The following RGL1 variants were observed in gnomAD, a reference collection of about 807,000 sequenced individuals.
RGL1 encodes the protein ral guanine nucleotide dissociation stimulator like 1, also known as ral guanine nucleotide dissociation stimulator-like 1.
RGL1 carries 24 observed loss-of-function variants against 95.2 expected under a neutral mutation model. The ratio of observed to expected loss-of-function variants is 0.25; its 90% CI spans 0.18 to 0.35. The LOEUF is 0.35. Ranked by LOEUF, RGL1 falls within the 10% of genes least tolerant of loss-of-function variation. The pLI, the probability that RGL1 is intolerant of heterozygous loss-of-function variation, is 1.00. For synonymous variants in RGL1, 329 were observed against 344.9 expected (o/e 0.95, Z 0.51); for missense variants, 715 against 936.3 (o/e 0.76, Z 3.08).
At position 183,907,014 on chromosome 1, in the gene RGL1, A is replaced by G. The variant is rs946822873; in HGVS notation, c.1475A>G (p.Tyr492Cys). 2 of 1,599,550 alleles carry G rather than the reference A, an allele frequency of 1.3e-6. No homozygotes were observed. Among genetic ancestry groups the G allele is most frequent in the Non-Finnish European group, 1.7e-6 (2 of 1,167,362 alleles). Residue 492 changes from tyrosine (Y) to cysteine (C), a missense_variant and splice_region_variant, in exon 14 of 18, where the codon TAT becomes TGT. Tyr to Cys is a radical substitution (Grantham distance 194). Around this residue, in one of 3 missense-constraint regions of RGL1, gnomAD observed 330 missense variants for 429.6 expected, o/e 0.77. Coordinates refer to ENST00000360851, the MANE Select transcript of RGL1 (RefSeq NM_001297671.3). The stretch of plus-strand genomic sequence containing the variant: ...TGGAGCCCCCTTCTCTTTCTCAGCT[A>G]TGCCCTGTCATGTGAGATTGAAGCA... ...RQQLLTEEES[Y>C]ALSCEIEAAA...
intron 6 of RGL1, 112 bp from the exon 7 acceptor site, chr1:183,884,611 A>G (rs1667009358): frequency 2.5e-6 from 2 of 793,312 alleles, no homozygotes; most frequent in Admixed American, 2.5e-5. Context: ...TCAAGTAGAA[A>G]AGGATTATCT....
chr1:183,846,486 T>C (rs1664442635), intron 2 of RGL1, among the ~76,000 whole-genome samples: 1 of 151,758 alleles, frequency 6.6e-6, no homozygotes, highest in Non-Finnish European at 1.5e-5. Flanking sequence ...CCATGGCATG[T>C]GTATACCTAT....
intron 1 of RGL1, among the ~76,000 whole-genome samples, chr1:183,679,234 A>C (rs758045032): frequency 2.2e-4 from 34 of 152,082 alleles, no homozygotes; most frequent in Non-Finnish European, 3.5e-4. Context: ...TTATATTTAC[A>C]TTTATTATTT....
chr1:183,874,929 A>G (rs1666401436), intron 4 of RGL1, among the ~76,000 whole-genome samples: 1 of 152,158 alleles, frequency 6.6e-6, no homozygotes, highest in Non-Finnish European at 1.5e-5. Context: ...AGTCAGGGTC[A>G]AGGTTGACTT....
intron 2 of RGL1, among the ~76,000 whole-genome samples, chr1:183,838,661 T>C (rs1203158437): frequency 6.6e-6 from 1 of 152,184 alleles, no homozygotes; most frequent in Non-Finnish European, 1.5e-5. Flanking sequence ...CAGATAAAGA[T>C]CATGGTGACA....
chr1:183,806,431 C>T lies in RGL1; in HGVS notation c.84C>T (p.Thr28=), dbSNP rs1409213895. ...AGGAAGGAGCTGTTTACCATGTCAC[C>T]CTCAAAAGAGTCCAGATTCAACAGG... ...EVEEGAVYHV[T]LKRVQIQQAA... The change falls in exon 2 of 18, where the codon ACC becomes ACT. Residue 28 remains threonine (T), a synonymous_variant. Coordinates refer to ENST00000360851, the MANE Select transcript of RGL1 (RefSeq NM_001297671.3). The T allele has an allele frequency of 5.6e-6, 9 of 1,614,006 alleles. No homozygotes were observed. The South Asian group carries it at 9.9e-5, about 18-fold the overall frequency.
At chr1:183,799,884 C>T (rs1226677000) in intron 2 of RGL1, among the ~76,000 whole-genome samples, 2 of 152,124 alleles carry the variant, frequency 1.3e-5, no homozygotes, top group Non-Finnish European at 2.9e-5. Context: ...TACAAAATTA[C>T]ATTAAAGGGA....
chr1:183,853,072 A>G (rs1664925321), intron 3 of RGL1, among the ~76,000 whole-genome samples: 1 of 152,122 alleles, frequency 6.6e-6, no homozygotes, highest in Non-Finnish European at 1.5e-5. Context: ...GCAGTGGCTC[A>G]TGCTTGTAAT....
intron 3 of RGL1, among the ~76,000 whole-genome samples, chr1:183,850,386 A>G (rs796974028): frequency 1.6e-4 from 25 of 152,340 alleles, no homozygotes; most frequent in African/African-American, 5.3e-4. Context: ...AGTCATATCT[A>G]TTAGTCTTAA....
intron 2 of RGL1, among the ~76,000 whole-genome samples, chr1:183,778,160 G>A (rs1012945816): frequency 2.0e-5 from 3 of 152,138 alleles, no homozygotes; most frequent in African/African-American, 7.2e-5. Flanking sequence ...ATGTGTATGT[G>A]GATTTTGTTC....
intron 16 of RGL1, among the ~76,000 whole-genome samples, chr1:183,917,982 A>G (rs1669083520): frequency 6.6e-6 from 1 of 152,206 alleles, no homozygotes; most frequent in South Asian, 2.1e-4. Flanking sequence ...AATGACGGTC[A>G]TGTGGCTGGA....
intron 1 of RGL1, among the ~76,000 whole-genome samples, chr1:183,707,955 A>C (rs527993883): frequency 1.2e-4 from 18 of 152,306 alleles, no homozygotes; most frequent in Admixed American, 9.8e-4. Context: ...AGAATTGCAG[A>C]GGTCAGGTTG....
intron 2 of RGL1, among the ~76,000 whole-genome samples, chr1:183,843,485 A>G (rs771963542): frequency 2.0e-5 from 3 of 152,246 alleles, no homozygotes; most frequent in Non-Finnish European, 4.4e-5. Context: ...GCTTTCTGCC[A>G]AATCTCTGCT....
chr1:183,897,969 G>T (rs1667798388), intron 10 of RGL1, 72 bp downstream of exon 10: 1 of 1,271,072 alleles, frequency 7.9e-7, no homozygotes, highest in Non-Finnish European at 1.1e-6. Flanking sequence ...CTCCCACATG[G>T]CACTGGCACC....
At position 183,830,112 on chromosome 1, in the gene RGL1, GGCAAAGAAGTGAT is replaced by G. The variant is rs1663159126; in HGVS notation, c.139-17451_139-17439del. 2.0e-5 allele frequency among the ~76,000 whole-genome samples: 3 copies of G among 152,134 alleles called. No homozygotes were observed. In the South Asian group the frequency reaches 6.2e-4, roughly 32 times the overall value. ...AAAAATGAATGAAAATGGGATTTGT[GGCAAAGAAGTGAT>G]GCTCTAGTCCTCCACTTATGAGGAT... On this transcript the variant is annotated intron_variant, in intron 2 of 17. Coordinates refer to ENST00000360851, the MANE Select transcript of RGL1 (RefSeq NM_001297671.3).
rs139650340 is a variant in RGL1, at chr1:183,865,250, G to A, written c.348-746G>A. ...ACAGCTAGCAGTGTAAGTAGGGACT[G>A]ATGAATTATTGAGTAAATTTTGAGT... On this transcript the variant is annotated intron_variant, in intron 3 of 17. Coordinates refer to ENST00000360851, the MANE Select transcript of RGL1 (RefSeq NM_001297671.3). 1.4e-3 allele frequency among the ~76,000 whole-genome samples: 214 copies of A among 152,280 alleles called. 1 individual carries two copies. Among genetic ancestry groups the A allele is most frequent in the African/African-American group, 5.0e-3 (207 of 41,552 alleles).
At chr1:183,670,302 A>T (rs1652353138) in intron 1 of RGL1, among the ~76,000 whole-genome samples, 1 of 152,156 alleles carries the variant, frequency 6.6e-6, no homozygotes, top group Admixed American at 6.6e-5. Context: ...AAACCCCAGT[A>T]GGCTCTGGTA....
intron 17 of RGL1, among the ~76,000 whole-genome samples, chr1:183,922,625 G>A (rs560260137): frequency 2.0e-5 from 3 of 152,228 alleles, no homozygotes; most frequent in East Asian, 3.9e-4. Context: ...AGGAAGAAGT[G>A]TCTCCCTGTG....
At position 183,805,202 on chromosome 1, in the gene RGL1, G is replaced by A. The variant is rs548748767; in HGVS notation, c.-96G>A. The A allele has an allele frequency of 5.2e-6, 8 of 1,539,252 alleles. No individual in the cohort carries two copies. The highest frequency in any genetic ancestry group is 7.0e-6 in the Non-Finnish European group (8 of 1,139,814). ...CTGCGGTCGCTCGGGACCGGGACCG[G>A]GGCGAGGCGCCGCGGGGCTGAGCCC... On this transcript the variant is annotated 5_prime_UTR_variant, in exon 1 of 18. Coordinates refer to ENST00000360851, the MANE Select transcript of RGL1 (RefSeq NM_001297671.3).
Sources: gnomAD v4.1 joint callset for allele counts (sites outside exome capture counted in the v4.1 genomes callset) on GRCh38, gnomAD v4.1.1 for gene constraint, gnomAD v4.1.1 regional missense constraint, MANE v1.5 for transcripts, NCBI Gene and HGNC (gene_info 2026-07-23, HGNC 2026-07-21) for gene names.